Variants in PTOV1 observed in about 807,000 individuals in gnomAD.
PTOV1 encodes the protein prostate tumor-overexpressed gene 1 protein.
In PTOV1, 20 loss-of-function variants were observed where a neutral mutation model predicts 58.0. The ratio of observed to expected loss-of-function variants is 0.34; its 90% confidence interval spans 0.24 to 0.50. The LOEUF (loss-of-function observed/expected upper bound fraction) is 0.50, where lower values mean the gene tolerates loss of function less well. Among genes scored for constraint, PTOV1 ranks in the 20% least tolerant of loss-of-function variants. PTOV1 has a pLI of 0.98. For missense variants in PTOV1, 593 were observed against 565.4 expected, an observed-to-expected ratio of 1.05 and a Z score of -0.50; for synonymous variants, 335 against 234.2, an observed-to-expected ratio of 1.43 and a Z score of -3.93.
chr19:49,854,765 T>TGGCAGG lies in PTOV1; in HGVS notation c.392+37_392+42dup, dbSNP rs757237405. The TGGCAGG allele has an allele frequency of 3.7e-6, 6 of 1,613,168 alleles. No homozygotes were observed. In the South Asian group the frequency reaches 6.6e-5, roughly 18 times the overall value. ...TGCCGGGGCGTGGCAGCCAGGGCGG[T>TGGCAGG]GGCAGGGGCAGTGGCTGTGGCCGTG... On this transcript the variant is annotated intron_variant, in intron 3 of 11. Transcript: ENST00000391842.
At chr19:49,854,925 AC>A in intron 4 of PTOV1, 37 bp downstream of exon 4, 1 of 1,496,652 alleles carries the variant, frequency 6.7e-7, no homozygotes, top group Non-Finnish European at 9.0e-7. Flanking sequence ...CACTCTGAGC[AC>A]CCCCATGCCT....
At position 49,854,894 on chromosome 19, in the gene PTOV1, A is replaced by AGCCCC; in HGVS notation, c.450+6_450+7insGCCCC. 2 of 1,559,972 alleles carry AGCCCC rather than the reference A, an allele frequency of 1.3e-6. No individual in the cohort carries two copies. Among genetic ancestry groups the AGCCCC allele is most frequent in the Non-Finnish European group, 1.8e-6 (2 of 1,138,058 alleles). On this transcript the variant is annotated splice_region_variant and intron_variant, in intron 4 of 11. Transcript: ENST00000391842. ...TGATCCCTCAGCAGCTGCTGGTGAGACCCGCCCCTCCCACCCCATCCACTC... is the reference window on the plus strand; with the variant it reads ...TGATCCCTCAGCAGCTGCTGGTGAGAGCCCCCCCGCCCCTCCCACCCCATCCACTC...
chr19:49,852,320 G>A (rs1410081863), intron 1 of PTOV1: 2 of 153,432 alleles, frequency 1.3e-5, no homozygotes, highest in Admixed American at 1.3e-4. Context: ...CATAAACATG[G>A]ATACCGAGAC....
chr19:49,851,647 G>A, intron 1 of PTOV1, 148 bp downstream of exon 1: 29 of 1,097,576 alleles, frequency 2.6e-5, no homozygotes, highest in Non-Finnish European at 3.3e-5. Flanking sequence ...GGGTTCCCCC[G>A]TGGAGCACCC....
intron 1 of PTOV1, chr19:49,851,900 G>A (rs960363684): frequency 1.0e-6 from 1 of 984,994 alleles, no homozygotes; most frequent in Non-Finnish European, 1.2e-6. Flanking sequence ...GGAGGGGCCC[G>A]CGCTTTGTAC....
intron 1 of PTOV1, chr19:49,851,783 C>T: frequency 1.9e-6 from 2 of 1,050,744 alleles, no homozygotes; most frequent in Non-Finnish European, 2.3e-6. Context: ...GGGCTGGGGG[C>T]GGCAGACAGG....
exon 11 of PTOV1, chr19:49,860,107 A>G (rs777077449): frequency 5.0e-6 from 8 of 1,614,194 alleles, no homozygotes; most frequent in Non-Finnish European, 6.8e-6. Context: ...AACTTTGTCA[A>G]CGGCATCCGG....
chr19:49,851,229 C>T (rs1316907269), exon 1 of PTOV1: 9 of 1,145,736 alleles, frequency 7.9e-6, no homozygotes, highest in Non-Finnish European at 9.6e-6. Context: ...GCCCGTCTCC[C>T]CCGAAGCCGC....
At chr19:49,850,706 C>A, upstream of PTOV1, 1 of 724,972 alleles carries the variant, frequency 1.4e-6, no homozygotes, top group Non-Finnish European at 2.1e-6. Flanking sequence ...CCCTTGCCCA[C>A]CTCGCCACGT....
chr19:49,859,952 G>GCTGT (rs2074676508), intron 10 of PTOV1, 34 bp from the exon 11 acceptor site: 1 of 1,610,778 alleles, frequency 6.2e-7, no homozygotes, highest in South Asian at 1.1e-5. Flanking sequence ...TCCCTGTGGT[G>GCTGT]CTGTCTGGTG....
chr19:49,854,765 T>G (rs2074387180), intron 3 of PTOV1, 31 bp downstream of exon 3: 1 of 1,613,050 alleles, frequency 6.2e-7, no homozygotes, highest in Non-Finnish European at 8.5e-7. Flanking sequence ...GCCAGGGCGG[T>G]GGCAGGGGCA....
chr19:49,860,261 G>A lies in PTOV1; in HGVS notation c.1240-7G>A, dbSNP rs775569512. On this transcript the variant is annotated splice_region_variant and splice_polypyrimidine_tract_variant and intron_variant, in intron 11 of 11. Coordinates refer to ENST00000391842, the Ensembl canonical transcript of PTOV1. Reference sequence around the variant, plus strand: ...GCTCACCACTGGCCTCTGATTTCTCGCCGTAGATGGGGGGGTAGTGGTTAC... The same window carrying A: ...GCTCACCACTGGCCTCTGATTTCTCACCGTAGATGGGGGGGTAGTGGTTAC... The A allele has an allele frequency of 4.2e-5, 67 of 1,613,534 alleles. No homozygotes were observed. The highest frequency in any genetic ancestry group is 1.2e-4 in the Admixed American group (7 of 59,958).
At chr19:49,856,915 T>A in intron 5 of PTOV1, 60 bp from the exon 6 acceptor site, 1 of 1,597,498 alleles carries the variant, frequency 6.3e-7, no homozygotes, top group Non-Finnish European at 8.5e-7. Flanking sequence ...CGGTCCAGGG[T>A]GGTGGGGGCA....
At chr19:49,859,172 C>CTTGGGTAATA (rs1357524206) in intron 10 of PTOV1, 2 of 153,884 alleles carry the variant, frequency 1.3e-5, no homozygotes, top group Non-Finnish European at 2.9e-5. Context: ...CTGGGCCATA[C>CTTGGGTAATA]TTGGGTAATA....
At chr19:49,853,006 G>C (rs1348170745) in intron 1 of PTOV1, 1 of 152,160 alleles carries the variant, frequency 6.6e-6, no homozygotes, top group Admixed American at 6.5e-5. Context: ...TTTTCTATCT[G>C]ATCTTCTGAC....
chr19:49,855,277 G>C (rs758059514), intron 5 of PTOV1, 200 bp downstream of exon 5: 9 of 594,560 alleles, frequency 1.5e-5, no homozygotes, highest in Non-Finnish European at 2.4e-5. Flanking sequence ...CAGCCTGAGA[G>C]GCCTCCAGTT....
At chr19:49,851,058 T>TCCGCTCCCGCCCGGGCC (rs1194741577), upstream of PTOV1, 18 of 1,486,290 alleles carry the variant, frequency 1.2e-5, no homozygotes, top group South Asian at 1.8e-4. Flanking sequence ...GAGCCCACAC[T>TCCGCTCCCGCCCGGGCC]CCGCTCCCGC....
intron 1 of PTOV1, chr19:49,852,127 G>T: frequency 8.4e-6 from 8 of 954,736 alleles, no homozygotes; most frequent in Non-Finnish European, 1.0e-5. Context: ...TTCAGAAACC[G>T]TAAGGTTTAC....
At chr19:49,859,582 A>AG (rs2074652439) in intron 10 of PTOV1, among the ~76,000 whole-genome samples, 1 of 152,074 alleles carries the variant, frequency 6.6e-6, no homozygotes, top group South Asian at 2.1e-4. Context: ...CAAAAAAAAA[A>AG]AAAAAGTTTC....
Sources: allele counts gnomAD v4.1 joint callset (sites outside exome capture counted in the v4.1 genomes callset), GRCh38; gene constraint gnomAD v4.1.1; transcripts MANE v1.5; gene names NCBI Gene and HGNC (gene_info 2026-07-23, HGNC 2026-07-21).